RSRC1: variants seen among roughly 807,000 people sequenced by gnomAD.
The protein encoded by RSRC1 is serine/Arginine-related protein 53.
A neutral mutation model predicts 49.1 loss-of-function variants in RSRC1; 39 were observed. The ratio of observed to expected loss-of-function variants is 0.79; its 90% confidence interval spans 0.61 to 1.04. RSRC1 has a LOEUF of 1.04. Among genes scored for constraint, RSRC1 ranks in the 50% least tolerant of loss-of-function variants. The pLI is 0.00. For missense variants in RSRC1, 388 were observed against 402.4 expected (o/e 0.96, Z 0.31); for synonymous variants, 143 against 130.8 (o/e 1.09, Z -0.63).
chr3:158,198,104 C>T (rs866889518), intron 3 of RSRC1, among the ~76,000 whole-genome samples: 16 of 151,942 alleles, frequency 1.1e-4, no homozygotes, highest in South Asian at 2.1e-4. Flanking sequence ...TAAAGTCTCC[C>T]ATTATTAATG....
chr3:158,288,713 AG>A (rs1317264919), intron 4 of RSRC1, among the ~76,000 whole-genome samples: 1 of 151,976 alleles, frequency 6.6e-6, no homozygotes, highest in Non-Finnish European at 1.5e-5. Flanking sequence ...TATTATATCT[AG>A]ATTGCTTATA....
intron 3 of RSRC1, among the ~76,000 whole-genome samples, chr3:158,156,951 C>A (rs1004046868): frequency 1.7e-4 from 26 of 152,188 alleles, no homozygotes; most frequent in African/African-American, 5.1e-4. Flanking sequence ...GGCACTAATA[C>A]ACTTGTTTGA....
rs554207788 is a variant in RSRC1 at position 158,524,596 on chromosome 3, T to C, written c.653-12496T>C. 5.9e-5 allele frequency among the ~76,000 whole-genome samples: 9 copies of C among 152,182 alleles called. No individual in the cohort carries two copies. The South Asian group carries it at 1.5e-3, about 25-fold the overall frequency. ...CCTCAAACTAGATCCTGTTCAGACA[T>C]GTTATGACGAGTTAATTCAAGTTTA... On this transcript the variant is annotated intron_variant, in intron 7 of 9. Coordinates refer to ENST00000611884, the MANE Select transcript of RSRC1 (RefSeq NM_001271838.2).
intron 8 of RSRC1, among the ~76,000 whole-genome samples, chr3:158,537,588 A>G (rs1712785958): frequency 6.6e-6 from 1 of 151,648 alleles, no homozygotes; most frequent in Non-Finnish European, 1.5e-5. Context: ...AATAAAAACT[A>G]ATACCCATAT....
In RSRC1 at chr3:158,544,168, CT is replaced by C; in HGVS notation, c.913-11del. 1 of 1,581,224 alleles carries C rather than the reference CT, an allele frequency of 6.3e-7. No homozygotes were observed. The highest frequency in any genetic ancestry group is 8.6e-7 in the Non-Finnish European group (1 of 1,156,690). On this transcript the variant is annotated splice_polypyrimidine_tract_variant and intron_variant, in intron 9 of 9. Coordinates refer to ENST00000611884, the MANE Select transcript of RSRC1 (RefSeq NM_001271838.2). ...GGAGACAGTAACATTTTTTCTTTTTCTTTTCTTATTTCAGTTATTTATCGAG... is the reference window on the plus strand; with the variant it reads ...GGAGACAGTAACATTTTTTCTTTTTCTTTCTTATTTCAGTTATTTATCGAG...
chr3:158,462,002 A>G (rs529157988), intron 7 of RSRC1, among the ~76,000 whole-genome samples: 1 of 151,490 alleles, frequency 6.6e-6, no homozygotes, highest in African/African-American at 2.4e-5. Flanking sequence ...CAAGCGAAAA[A>G]AAAAAAAAAA....
intron 6 of RSRC1, among the ~76,000 whole-genome samples, chr3:158,438,782 G>C (rs570008010): frequency 9.2e-5 from 14 of 152,116 alleles, no homozygotes; most frequent in South Asian, 4.1e-4. Flanking sequence ...GTCTAAAACA[G>C]CAAAAGCAAT....
intron 3 of RSRC1, among the ~76,000 whole-genome samples, chr3:158,189,137 T>A (rs1178228203): frequency 2.6e-5 from 4 of 151,910 alleles, no homozygotes; most frequent in Non-Finnish European, 4.4e-5. Context: ...CTAGTTGTCT[T>A]CTGTTTATTA....
intron 6 of RSRC1, among the ~76,000 whole-genome samples, chr3:158,359,670 A>T (rs1469381008): frequency 6.6e-6 from 1 of 152,090 alleles, no homozygotes; most frequent in Non-Finnish European, 1.5e-5. Context: ...TGGTTCTAGG[A>T]GCTTCCAGGT....
At chr3:158,404,444 T>C (rs915486965) in intron 6 of RSRC1, among the ~76,000 whole-genome samples, 2 of 151,972 alleles carry the variant, frequency 1.3e-5, no homozygotes, top group African/African-American at 4.8e-5. Flanking sequence ...AATGATCTAA[T>C]TCAGTCACTG....
At chr3:158,151,150 A>G (rs1717513790) in intron 3 of RSRC1, among the ~76,000 whole-genome samples, 1 of 152,230 alleles carries the variant, frequency 6.6e-6, no homozygotes, top group Admixed American at 6.5e-5. Context: ...AGAAGCATAC[A>G]GATTTATTTA....
intron 5 of RSRC1, among the ~76,000 whole-genome samples, chr3:158,304,326 G>A (rs1290533718): frequency 6.6e-6 from 1 of 152,086 alleles, no homozygotes; most frequent in Non-Finnish European, 1.5e-5. Context: ...CATAGGACTT[G>A]AAAATCAAAC....
chr3:158,143,854 G>A (rs1334954550), intron 3 of RSRC1, among the ~76,000 whole-genome samples: 1 of 151,976 alleles, frequency 6.6e-6, no homozygotes, highest in Non-Finnish European at 1.5e-5. Context: ...AATGCCAAAG[G>A]CTCTAGTAAT....
intron 4 of RSRC1, among the ~76,000 whole-genome samples, chr3:158,206,759 C>A (rs1048564367): frequency 9.9e-5 from 15 of 151,934 alleles, no homozygotes; most frequent in South Asian, 2.1e-4. Context: ...ACTAAAAATA[C>A]AAAAATTAGC....
At chr3:158,212,774 C>G (rs1358283269) in intron 4 of RSRC1, among the ~76,000 whole-genome samples, 1 of 151,874 alleles carries the variant, frequency 6.6e-6, no homozygotes, top group Non-Finnish European at 1.5e-5. Context: ...TCTTTTCTTC[C>G]TAAGTAAACA....
chr3:158,405,898 C>A (rs1405552888), intron 6 of RSRC1, among the ~76,000 whole-genome samples: 1 of 152,062 alleles, frequency 6.6e-6, no homozygotes. Flanking sequence ...TTACATTATT[C>A]TTAAAATTCT....
chr3:158,351,729 T>C (rs941605944), intron 5 of RSRC1, among the ~76,000 whole-genome samples: 1 of 151,910 alleles, frequency 6.6e-6, no homozygotes, highest in Non-Finnish European at 1.5e-5. Flanking sequence ...TAGTTTTAGT[T>C]CATCATTTAC....
intron 4 of RSRC1, among the ~76,000 whole-genome samples, chr3:158,219,204 G>A (rs551853452): frequency 6.6e-6 from 1 of 151,612 alleles, no homozygotes; most frequent in African/African-American, 2.4e-5. Flanking sequence ...CTTTTTTGGG[G>A]AGTAATTACC....
chr3:158,503,339 A>G (rs560234374), intron 7 of RSRC1, among the ~76,000 whole-genome samples: 11 of 152,194 alleles, frequency 7.2e-5, no homozygotes, highest in African/African-American at 2.2e-4. Flanking sequence ...TGGTGGTTTC[A>G]TGTTCCATTT....
Sources: gnomAD v4.1 joint callset for allele counts (sites outside exome capture counted in the v4.1 genomes callset) on GRCh38, gnomAD v4.1.1 for gene constraint, MANE v1.5 for transcripts, NCBI Gene and HGNC (gene_info 2026-07-23, HGNC 2026-07-21) for gene names.